Variants in UBE2F observed in about 807,000 individuals in gnomAD.
The protein encoded by UBE2F is ubiquitin conjugating enzyme E2 F (putative).
A neutral mutation model predicts 29.6 loss-of-function variants in UBE2F; 5 were observed. That is an observed-to-expected ratio of 0.17 (90% confidence interval 0.09 to 0.36). The LOEUF is 0.36. Among genes scored for constraint, UBE2F ranks in the 10% least tolerant of loss-of-function variants. The probability of loss-of-function intolerance (pLI) is 1.00; values close to 1 mark genes in which losing one functional copy is unlikely to be tolerated. For synonymous variants in UBE2F, 66 were observed against 81.8 expected (o/e 0.81, Z 1.04); for missense variants, 141 against 228.5 (o/e 0.62, Z 2.47).
At chr2:237,975,253 C>T (rs1329942459) in intron 2 of UBE2F, among the ~76,000 whole-genome samples, 2 of 151,974 alleles carry the variant, frequency 1.3e-5, no homozygotes, top group African/African-American at 4.8e-5. Context: ...AAGCGTGCAC[C>T]ACCATGCTTA....
intron 4 of UBE2F, among the ~76,000 whole-genome samples, chr2:237,999,749 T>C (rs377122329): frequency 6.6e-6 from 1 of 152,174 alleles, no homozygotes; most frequent in East Asian, 1.9e-4. Flanking sequence ...CGTACCACAC[T>C]GTTTTAATTG....
intron 9 of UBE2F, among the ~76,000 whole-genome samples, chr2:238,038,919 G>A (rs532535336): frequency 9.8e-5 from 15 of 152,332 alleles, no homozygotes; most frequent in African/African-American, 2.9e-4. Context: ...CACACATTCC[G>A]GCAGGAGGAG....
At chr2:238,025,997 A>G (rs999358945) in intron 6 of UBE2F, among the ~76,000 whole-genome samples, 3 of 152,194 alleles carry the variant, frequency 2.0e-5, no homozygotes, top group African/African-American at 7.2e-5. Context: ...GGCTGCTGGA[A>G]AAGTTGTGTA....
chr2:238,006,735 T>C (rs1276511536), intron 4 of UBE2F, among the ~76,000 whole-genome samples: 3 of 151,082 alleles, frequency 2.0e-5, no homozygotes, highest in Non-Finnish European at 4.4e-5. Context: ...GGGACATCCT[T>C]GGCTTGTTCC....
chr2:238,038,101 C>T (rs2064758595), intron 9 of UBE2F, among the ~76,000 whole-genome samples: 1 of 152,228 alleles, frequency 6.6e-6, no homozygotes, highest in South Asian at 2.1e-4. Flanking sequence ...TGGGCAGGAG[C>T]ACCTCCGACA....
At chr2:237,987,483 C>G (rs981294065) in intron 2 of UBE2F, among the ~76,000 whole-genome samples, 1 of 152,106 alleles carries the variant, frequency 6.6e-6, no homozygotes, top group Admixed American at 6.6e-5. Flanking sequence ...GCTTAAACAC[C>G]AAATGAATGG....
chr2:238,041,185 G>C (rs1020445814), intron 9 of UBE2F, 103 bp from the exon 10 acceptor site: 1 of 1,149,614 alleles, frequency 8.7e-7, no homozygotes, highest in East Asian at 2.4e-5. Flanking sequence ...CGACCACAGG[G>C]GACCTTGGTG....
intron 5 of UBE2F, among the ~76,000 whole-genome samples, chr2:238,023,418 A>G (rs1375502720): frequency 6.6e-6 from 1 of 152,228 alleles, no homozygotes; most frequent in Non-Finnish European, 1.5e-5. Flanking sequence ...TTTGGAATCT[A>G]CTGATTTTGT....
chr2:237,983,888 T>G (rs1205777239), intron 2 of UBE2F, among the ~76,000 whole-genome samples: 1 of 152,188 alleles, frequency 6.6e-6, no homozygotes, highest in Non-Finnish European at 1.5e-5. Context: ...TCCCTGTTCC[T>G]TGGCCGTTGC....
At chr2:237,996,919 T>A (rs1425221611) in intron 4 of UBE2F, among the ~76,000 whole-genome samples, 1 of 152,194 alleles carries the variant, frequency 6.6e-6, no homozygotes. Context: ...CACTGTTCTA[T>A]CAGATTAAAA....
intron 5 of UBE2F, among the ~76,000 whole-genome samples, chr2:238,021,296 G>A (rs1318820305): frequency 6.6e-6 from 1 of 152,192 alleles, no homozygotes; most frequent in Non-Finnish European, 1.5e-5. Flanking sequence ...GAACAGCAGT[G>A]ATGACGACCA....
intron 4 of UBE2F, among the ~76,000 whole-genome samples, chr2:237,998,619 T>C (rs867920938): frequency 0.026 from 4,016 of 152,016 alleles, 174 homozygotes; most frequent in African/African-American, 0.092. Flanking sequence ...GAGCTTTTTT[T>C]TTTTTTTTTA....
At chr2:238,026,152 C>T (rs1238600167) in intron 6 of UBE2F, among the ~76,000 whole-genome samples, 3 of 152,242 alleles carry the variant, frequency 2.0e-5, no homozygotes, top group Non-Finnish European at 4.4e-5. Flanking sequence ...GCTCGCCGCC[C>T]CCGCCCCCAC....
intron 3 of UBE2F, chr2:237,990,654 G>C (rs1026708319): frequency 2.3e-5 from 4 of 172,466 alleles, no homozygotes; most frequent in African/African-American, 9.7e-5. Context: ...CCAGCTACTC[G>C]GGAGGCTGAG....
In UBE2F at chr2:238,022,175, C is replaced by CTTTTTTTTTTTTTTTTTTTTTTTTTT. The variant is rs1162304454; in HGVS notation, c.283-3156_283-3155insTTTTTTTTTTTTTTTTTTTTTTTTTT. Among the ~76,000 whole-genome samples the CTTTTTTTTTTTTTTTTTTTTTTTTTT allele has an allele frequency of 1.0e-3, 65 of 63,280 alleles. 3 individuals are homozygous for CTTTTTTTTTTTTTTTTTTTTTTTTTT. The highest frequency in any genetic ancestry group is 2.7e-3 in the African/African-American group (64 of 23,942). The allele number at this position is 63,280 out of a possible 152,430, so 41.5% of individuals were successfully genotyped here. On this transcript the variant is annotated intron_variant, in intron 5 of 9. Coordinates refer to ENST00000272930, the MANE Select transcript of UBE2F (RefSeq NM_080678.3). The stretch of plus-strand genomic sequence containing the variant: ...ATTTCTTTTTCTTTTCTTTTCTTTT[C>CTTTTTTTTTTTTTTTTTTTTTTTTTT]TTTTTTTTTTTGGAGACAGAGTCTT...
At chr2:237,972,521 A>G (rs1385843477) in intron 1 of UBE2F, among the ~76,000 whole-genome samples, 1 of 149,542 alleles carries the variant, frequency 6.7e-6, no homozygotes, top group Non-Finnish European at 1.5e-5. Flanking sequence ...TGTGAAATGC[A>G]TGACTCTTTT....
At chr2:238,028,746 C>A (rs1284580943) in intron 6 of UBE2F, among the ~76,000 whole-genome samples, 1 of 152,114 alleles carries the variant, frequency 6.6e-6, no homozygotes, top group Non-Finnish European at 1.5e-5. Flanking sequence ...ACATATTTTT[C>A]TCCTGATCTG....
At chr2:238,018,929 A>G (rs1235722721) in intron 5 of UBE2F, among the ~76,000 whole-genome samples, 1 of 152,204 alleles carries the variant, frequency 6.6e-6, no homozygotes, top group Non-Finnish European at 1.5e-5. Flanking sequence ...AAAATGGAAT[A>G]AAGAATGACT....
chr2:238,000,076 C>T (rs973129098), intron 4 of UBE2F, among the ~76,000 whole-genome samples: 11 of 152,142 alleles, frequency 7.2e-5, no homozygotes, highest in African/African-American at 2.2e-4. Flanking sequence ...CCCACCTTGG[C>T]CTCCCAAAAT....
Sources: gnomAD v4.1 joint callset for allele counts (sites outside exome capture counted in the v4.1 genomes callset) on GRCh38, gnomAD v4.1.1 for gene constraint, MANE v1.5 for transcripts, NCBI Gene and HGNC (gene_info 2026-07-23, HGNC 2026-07-21) for gene names.